Variants in RNASE11 observed in about 807,000 individuals in gnomAD.
RNASE11 encodes the protein putative inactive ribonuclease 11.
For synonymous variants in RNASE11, 105 were observed against 86.1 expected, an observed-to-expected ratio of 1.22 and a Z score of -1.21; for missense variants, 252 against 237.8, an observed-to-expected ratio of 1.06 and a Z score of -0.39.
chr14:20,584,604 T>C, intron 1 of RNASE11, 108 bp from the exon 3 acceptor site: 2 of 810,342 alleles, frequency 2.5e-6, no homozygotes, highest in Non-Finnish European at 3.7e-6. Context: ...TAGGTTAAAA[T>C]TTTTATATCT....
chr14:20,588,658 C>G (rs1412305620), upstream of RNASE11, among the ~76,000 whole-genome samples: 1 of 152,204 alleles, frequency 6.6e-6, no homozygotes, highest in African/African-American at 2.4e-5. Context: ...GTTGCTTCTA[C>G]AGCTAGAAGC....
intron 1 of RNASE11, among the ~76,000 whole-genome samples, chr14:20,585,869 A>G (rs1369265484): frequency 6.6e-6 from 1 of 152,242 alleles, no homozygotes; most frequent in Non-Finnish European, 1.5e-5. Context: ...AAGAAAGGTT[A>G]TTTAAGTTAA....
Position 20,584,127 on chromosome 14 carries a change from C to T in RNASE11, c.348G>A (p.Trp116Ter). The T allele has an allele frequency of 2.5e-6, 4 of 1,614,180 alleles. No homozygotes were observed. Among genetic ancestry groups the T allele is most frequent in the Non-Finnish European group, 3.4e-6 (4 of 1,180,030 alleles). ...TGGAGCTGCGGATGAAGTTATTGCT[C>T]CACTTGCACGATCCGTTTGCTTCTG... The change falls in exon 2 of 2, where the codon TGG (tryptophan) becomes TGA (stop). Residue 116 changes from tryptophan (W) to a stop codon, truncating the protein, a stop_gained. Coordinates refer to ENST00000553849, the Ensembl canonical transcript of RNASE11. LOFTEE classifies it low-confidence loss of function (END_TRUNC).
chr14:20,589,335 A>AG (rs1199494679), upstream of RNASE11, among the ~76,000 whole-genome samples: 8 of 146,768 alleles, frequency 5.5e-5, no homozygotes, highest in South Asian at 2.2e-4. Flanking sequence ...GCTCACTGCA[A>AG]CTCCGCCTCC....
upstream of RNASE11, among the ~76,000 whole-genome samples, chr14:20,588,954 C>A (rs1469932147): frequency 1.3e-5 from 2 of 152,006 alleles, no homozygotes; most frequent in Admixed American, 1.3e-4. Flanking sequence ...ACCCAACTAA[C>A]TTTTGTATTT....
chr14:20,584,578 T>G, intron 1 of RNASE11, 82 bp from the exon 3 acceptor site: 4 of 1,168,214 alleles, frequency 3.4e-6, no homozygotes, highest in Non-Finnish European at 3.5e-6. Flanking sequence ...TTATTCCTGG[T>G]AGGGACCCCT....
At chr14:20,584,573 C>A in intron 1 of RNASE11, 77 bp from the exon 3 acceptor site, 1 of 1,229,114 alleles carries the variant, frequency 8.1e-7, no homozygotes, top group Non-Finnish European at 1.1e-6. Flanking sequence ...GACAGTTATT[C>A]CTGGTAGGGA....
upstream of RNASE11, among the ~76,000 whole-genome samples, chr14:20,589,317 C>T (rs1462710958): frequency 2.0e-5 from 3 of 149,586 alleles, no homozygotes; most frequent in East Asian, 2.0e-4. Context: ...TGCAGTGGCG[C>T]GATCTCGGCT....
chr14:20,584,621 G>A, intron 1 of RNASE11, 125 bp from the exon 3 acceptor site: 1 of 664,726 alleles, frequency 1.5e-6, no homozygotes. Flanking sequence ...ATCTGTGAAT[G>A]GAACTATGAT....
At chr14:20,587,564 T>C (rs2138893469) in exon 1 of RNASE11, 1 of 985,374 alleles carries the variant, frequency 1.0e-6, no homozygotes, top group African/African-American at 1.7e-5. Flanking sequence ...ACCACCTACC[T>C]GTTCCTGTTC....
intron 1 of RNASE11, chr14:20,585,122 T>A (rs1884408375): frequency 1.0e-6 from 1 of 982,990 alleles, no homozygotes; most frequent in Non-Finnish European, 1.2e-6. Context: ...TTTCTGCTGT[T>A]GTGTCTAACT....
chr14:20,587,429 G>T, intron 1 of RNASE11, 134 bp downstream of exon 2: 1 of 270,414 alleles, frequency 3.7e-6, no homozygotes, highest in Non-Finnish European at 5.7e-6. Flanking sequence ...AACCTAGGGA[G>T]AGGGATAGAA....
chr14:20,583,814 C>A, exon 2 of RNASE11: 2 of 1,490,104 alleles, frequency 1.3e-6, no homozygotes, highest in Non-Finnish European at 1.8e-6. Context: ...AAGGTTTAAA[C>A]AAGAATGAAC....
At chr14:20,586,221 CTTTTTTTA>C (rs1350786281) in intron 1 of RNASE11, among the ~76,000 whole-genome samples, 2 of 152,126 alleles carry the variant, frequency 1.3e-5, no homozygotes, top group African/African-American at 4.8e-5. Context: ...CAGTGTGACT[CTTTTTTTA>C]ATATACCCTA....
chr14:20,583,652 C>CG (rs1404329958), exon 2 of RNASE11: 317 of 282,904 alleles, frequency 1.1e-3, no homozygotes, highest in Middle Eastern at 7.6e-3. Context: ...ACCCTCCCCC[C>CG]ACACAGAGAG....
chr14:20,584,286 G>A, exon 2 of RNASE11: 2 of 1,614,152 alleles, frequency 1.2e-6, no homozygotes, highest in Non-Finnish European at 1.7e-6. Context: ...ACATGCTGAG[G>A]CTGGTATTTT....
intron 1 of RNASE11, 64 bp downstream of exon 2, chr14:20,587,499 C>T: frequency 1.2e-6 from 1 of 857,394 alleles, no homozygotes; most frequent in Non-Finnish European, 1.4e-6. Flanking sequence ...TCATCCACTT[C>T]AAAGTTTTGC....
chr14:20,589,836 G>A (rs1316864006), upstream of RNASE11, among the ~76,000 whole-genome samples: 1 of 152,078 alleles, frequency 6.6e-6, no homozygotes, highest in African/African-American at 2.4e-5. Context: ...GCAGTGAGCC[G>A]AGATCGTGCC....
Position 20,587,462 on chromosome 14 carries a change from T to C in RNASE11, c.-23+101A>G, listed in dbSNP as rs147568249. 2.7e-3 allele frequency: 1,225 copies of C among 452,946 alleles called. 13 individuals carry two copies. Among genetic ancestry groups the C allele is most frequent in the African/African-American group, 0.025 (1,172 of 46,872 alleles). The allele number at this position is 452,946 out of a possible 1,614,324, so 28.1% of individuals were successfully genotyped here. A position where few individuals can be genotyped will look rare whatever the true frequency, so the allele number is the denominator to read the frequency against. ...GAAAAAGGAATCAGAATTCAGAAAATAGATGTAGGAACCTAAAGGATGCAT... is the reference window on the plus strand; with the variant it reads ...GAAAAAGGAATCAGAATTCAGAAAACAGATGTAGGAACCTAAAGGATGCAT... On this transcript the variant is annotated intron_variant, in intron 1 of 1. Transcript: ENST00000553849.
Sources: allele counts gnomAD v4.1 joint callset (sites outside exome capture counted in the v4.1 genomes callset), GRCh38; gene constraint gnomAD v4.1.1; transcripts MANE v1.5; gene names NCBI Gene and HGNC (gene_info 2026-07-23, HGNC 2026-07-21).